The following TYW1B variants were observed in gnomAD, a reference collection of about 807,000 sequenced individuals.
TYW1B encodes tRNA-yW synthesizing protein 1 homolog B.
TYW1B carries 73 observed loss-of-function variants against 86.9 expected under a neutral mutation model. The ratio of observed to expected loss-of-function variants is 0.84; its 90% CI spans 0.70 to 1.02. The LOEUF (loss-of-function observed/expected upper bound fraction) is 1.02. TYW1B is among the 50% of genes least tolerant of loss of function. The pLI is 0.00. For synonymous variants in TYW1B, 248 were observed against 292.8 expected (o/e 0.85, Z 1.56); for missense variants, 637 against 827.4 (o/e 0.77, Z 2.82).
chr7:72,825,256 A>G (rs1179337704), intron 2 of TYW1B, among the ~76,000 whole-genome samples: 1 of 152,206 alleles, frequency 6.6e-6, no homozygotes, highest in African/African-American at 2.4e-5. Flanking sequence ...CTACAGCCAG[A>G]CACTGTTCCC....
At chr7:72,738,809 G>A (rs1435424197) in intron 8 of TYW1B, among the ~76,000 whole-genome samples, 4 of 152,046 alleles carry the variant, frequency 2.6e-5, no homozygotes, top group East Asian at 3.9e-4. Context: ...AGTAGCCCAC[G>A]CCTATAATCT....
intron 7 of TYW1B, among the ~76,000 whole-genome samples, chr7:72,752,112 T>C (rs1554465172): frequency 6.6e-6 from 1 of 152,168 alleles, no homozygotes; most frequent in African/African-American, 2.4e-5. Flanking sequence ...GCTGGGCCAC[T>C]TGTGGTGGTG....
intron 7 of TYW1B, among the ~76,000 whole-genome samples, chr7:72,766,613 C>CACAAAAA (rs1787774305): frequency 2.4e-5 from 2 of 82,936 alleles, no homozygotes; most frequent in Non-Finnish European, 4.3e-5. Flanking sequence ...GATTCAGTCT[C>CACAAAAA]AAAAAAAAAA....
At position 72,726,367 on chromosome 7, in the gene TYW1B, T is replaced by TC. The variant is rs1490552278; in HGVS notation, c.1192+2454_1192+2455insG. 5.3e-5 allele frequency among the ~76,000 whole-genome samples: 8 copies of TC among 150,900 alleles called. No homozygotes were observed. In the East Asian group the frequency reaches 1.4e-3, roughly 26 times the overall value. Reference sequence around the variant, plus strand: ...AAAGTATAATTATTGACTAATTTTTTTTGTTTTTTTTGAGATGGAGTCTCA... The same window carrying TC: ...AAAGTATAATTATTGACTAATTTTTTCTTGTTTTTTTTGAGATGGAGTCTCA... On this transcript the variant is annotated intron_variant, in intron 9 of 13. Coordinates refer to ENST00000620995, the MANE Select transcript of TYW1B (RefSeq NM_001145440.3).
At chr7:72,722,862 G>A (rs1414328228) in intron 9 of TYW1B, 8 of 616,802 alleles carry the variant, frequency 1.3e-5, no homozygotes, top group Non-Finnish European at 2.3e-5. Flanking sequence ...AAGCCAGAGT[G>A]AGGTAAATAA....
chr7:72,667,703 A>ACT (rs1485772785), intron 11 of TYW1B, among the ~76,000 whole-genome samples: 1 of 152,058 alleles, frequency 6.6e-6, no homozygotes, highest in African/African-American at 2.4e-5. Context: ...GCAGAGCAAG[A>ACT]CTCCAGCTCA....
chr7:72,716,612 C>A (rs572860614), intron 9 of TYW1B, among the ~76,000 whole-genome samples: 1 of 148,300 alleles, frequency 6.7e-6, no homozygotes, highest in Non-Finnish European at 1.5e-5. Flanking sequence ...AGCCAGTGAA[C>A]GAGACATAGG....
At chr7:72,614,198 G>A (rs1812009138) in intron 13 of TYW1B, among the ~76,000 whole-genome samples, 1 of 152,128 alleles carries the variant, frequency 6.6e-6, no homozygotes, top group Non-Finnish European at 1.5e-5. Context: ...TAAAACAAAA[G>A]AAAAAGAAAG....
intron 11 of TYW1B, among the ~76,000 whole-genome samples, chr7:72,674,309 G>A (rs782818994): frequency 4.1e-4 from 62 of 152,210 alleles, no homozygotes; most frequent in Non-Finnish European, 7.6e-4. Flanking sequence ...TGCATGGTGT[G>A]ACATTGTGGG....
At chr7:72,716,631 CTGT>C (rs138304885) in intron 9 of TYW1B, among the ~76,000 whole-genome samples, 63 of 149,208 alleles carry the variant, frequency 4.2e-4, no homozygotes, top group South Asian at 1.1e-3. Flanking sequence ...GGGGCTGTGG[CTGT>C]TGTTGTTGTT....
At chr7:72,619,776 A>G (rs180902930) in intron 12 of TYW1B, among the ~76,000 whole-genome samples, 50 of 152,330 alleles carry the variant, frequency 3.3e-4, no homozygotes, top group African/African-American at 1.2e-3. Flanking sequence ...CTCTATCTCA[A>G]TTTAAATACT....
At chr7:72,718,868 G>C (rs565262606) in intron 9 of TYW1B, among the ~76,000 whole-genome samples, 5 of 152,042 alleles carry the variant, frequency 3.3e-5, no homozygotes, top group Non-Finnish European at 5.9e-5. Flanking sequence ...AAGGAGCATC[G>C]GCTAGGCCCT....
At chr7:72,712,421 C>T (rs1403270422) in intron 10 of TYW1B, among the ~76,000 whole-genome samples, 2 of 152,200 alleles carry the variant, frequency 1.3e-5, no homozygotes, top group Non-Finnish European at 1.5e-5. Flanking sequence ...CTCCGCCTCC[C>T]GGGTTCAAGC....
At chr7:72,722,349 T>C (rs1186195327) in intron 9 of TYW1B, among the ~76,000 whole-genome samples, 1 of 152,198 alleles carries the variant, frequency 6.6e-6, no homozygotes, top group African/African-American at 2.4e-5. Context: ...AGGACGTTCC[T>C]GACAAAGACA....
intron 11 of TYW1B, among the ~76,000 whole-genome samples, chr7:72,667,031 C>CAAAAAAAAAAAA (rs60691255): frequency 2.8e-4 from 12 of 42,272 alleles, no homozygotes; most frequent in East Asian, 1.8e-3. Flanking sequence ...GACTCCGTCT[C>CAAAAAAAAAAAA]AAAAAAAAAA....
chr7:72,632,388 G>A (rs183111442), intron 11 of TYW1B, among the ~76,000 whole-genome samples: 2,255 of 69,236 alleles, frequency 0.033, 91 homozygotes, highest in African/African-American at 0.074. Flanking sequence ...ATATATATAC[G>A]TATATATATA....
intron 13 of TYW1B, among the ~76,000 whole-genome samples, chr7:72,599,656 C>T (rs1489399929): frequency 6.6e-6 from 1 of 152,000 alleles, no homozygotes; most frequent in Non-Finnish European, 1.5e-5. Flanking sequence ...AAAAACAAAA[C>T]CCCCTAGGAA....
chr7:72,689,921 C>T (rs35161528), intron 11 of TYW1B, among the ~76,000 whole-genome samples: 3 of 152,076 alleles, frequency 2.0e-5, no homozygotes, highest in African/African-American at 7.2e-5. Context: ...GTGGGCCACA[C>T]ACATAAATTG....
chr7:72,794,470 C>T (rs751648643), intron 6 of TYW1B, among the ~76,000 whole-genome samples: 39 of 151,814 alleles, frequency 2.6e-4, no homozygotes, highest in Non-Finnish European at 5.0e-4. Flanking sequence ...ACAGGAGAAT[C>T]GCTTGAACCT....
Sources: allele counts gnomAD v4.1 joint callset (sites outside exome capture counted in the v4.1 genomes callset), GRCh38; gene constraint gnomAD v4.1.1; transcripts MANE v1.5; gene names NCBI Gene and HGNC (gene_info 2026-07-23, HGNC 2026-07-21).